Variants in NIFK observed in about 807,000 individuals in gnomAD.
The protein encoded by NIFK is MKI67 FHA domain-interacting nucleolar phosphoprotein.
NIFK carries 16 observed loss-of-function variants against 31.7 expected under a neutral mutation model. That is an observed-to-expected ratio of 0.50 (90% confidence interval 0.34 to 0.77). The LOEUF is 0.77. Among genes scored for constraint, NIFK ranks in the 30% least tolerant of loss-of-function variants. The pLI, the probability that NIFK is intolerant of heterozygous loss-of-function variation, is 0.01. For synonymous variants in NIFK, 126 were observed against 123.0 expected (o/e 1.02, Z -0.16); for missense variants, 341 against 350.4 (o/e 0.97, Z 0.21).
intron 6 of NIFK, 133 bp from the exon 7 acceptor site, chr2:121,728,045 T>C: frequency 1.2e-6 from 1 of 860,800 alleles, no homozygotes; most frequent in South Asian, 2.0e-5. Flanking sequence ...CTTTTGGTGA[T>C]ACTATTGCAA....
intron 1 of NIFK, 171 bp from the exon 2 acceptor site, chr2:121,735,921 T>C: frequency 1.7e-6 from 1 of 584,838 alleles, no homozygotes. Context: ...GGTCAAGCAG[T>C]AGTCAACTAT....
At chr2:121,736,114 T>C (rs1374597197) in intron 1 of NIFK, among the ~76,000 whole-genome samples, 1 of 152,192 alleles carries the variant, frequency 6.6e-6, no homozygotes, top group Non-Finnish European at 1.5e-5. Flanking sequence ...ATCGAAAAAT[T>C]TTCGATACGC....
Position 121,732,076 on chromosome 2 carries a change from G to T in NIFK, c.352+20C>A. The T allele has an allele frequency of 6.8e-7, 1 of 1,461,712 alleles. No homozygotes were observed. The highest frequency in any genetic ancestry group is 1.1e-5 in the South Asian group (1 of 87,572). 90.5% of individuals were successfully genotyped at this position (1,461,712 alleles called of 1,614,324 possible). On this transcript the variant is annotated intron_variant, in intron 3 of 6. Coordinates refer to ENST00000285814, the MANE Select transcript of NIFK (RefSeq NM_032390.5). ...ACAGCAGGCACCCAGGCAACCCTGC[G>T]GTAAGACAGGAGCACTTACACTCCA... is the stretch of plus-strand genomic sequence containing the variant.
chr2:121,728,253 A>G (rs2074507713), intron 6 of NIFK, 35 bp downstream of exon 6: 2 of 1,259,346 alleles, frequency 1.6e-6, no homozygotes, highest in Non-Finnish European at 2.3e-6. Flanking sequence ...TATTTCTATA[A>G]TATCTGGTGT....
chr2:121,733,886 A>C (rs187751159), intron 2 of NIFK, among the ~76,000 whole-genome samples: 1 of 152,250 alleles, frequency 6.6e-6, no homozygotes, highest in East Asian at 1.9e-4. Flanking sequence ...CTTACCTCTT[A>C]TTGTGAGCCA....
intron 4 of NIFK, among the ~76,000 whole-genome samples, chr2:121,730,176 T>G (rs2074527357): frequency 6.6e-6 from 1 of 152,044 alleles, no homozygotes; most frequent in African/African-American, 2.4e-5. Context: ...ATTGTGCCAC[T>G]GCACTCCAGC....
At chr2:121,732,280 T>A (rs1573374843) in intron 2 of NIFK, 76 bp from the exon 3 acceptor site, 1 of 842,140 alleles carries the variant, frequency 1.2e-6, no homozygotes, top group Non-Finnish European at 2.0e-6. Flanking sequence ...AATGCCATTA[T>A]TTTAAATAAT....
In NIFK at chr2:121,732,172, C is replaced by T. The variant is rs368176066; in HGVS notation, c.276G>A (p.Glu92=). The stretch of plus-strand genomic sequence containing the variant: ...TTTTGGCAACATCCTCAGACTCAAA[C>T]TCCACAAATGCATAGCCTTTGCTAT... The part of the protein sequence containing the change: ...TGNSKGYAFV[E]FESEDVAKIV... Residue 92 remains glutamate, a synonymous_variant, in exon 3 of 7, where the codon GAG becomes GAA. Transcript: ENST00000285814. 4.8e-5 allele frequency: 78 copies of T among 1,612,888 alleles called. No individual in the cohort carries two copies. In the African/African-American group the frequency reaches 8.3e-4, roughly 17 times the overall value.
At chr2:121,736,661 C>T (rs2074583508) in intron 1 of NIFK, 85 bp downstream of exon 1, 3 of 1,190,936 alleles carry the variant, frequency 2.5e-6, no homozygotes, top group Non-Finnish European at 3.7e-6. Context: ...AAGGGGCGCC[C>T]GGGCCGGAAA....
At chr2:121,733,309 G>A (rs149392685) in intron 2 of NIFK, among the ~76,000 whole-genome samples, 4 of 152,178 alleles carry the variant, frequency 2.6e-5, no homozygotes, top group African/African-American at 9.6e-5. Flanking sequence ...GAGATTGGGA[G>A]CTCAAAATCA....
chr2:121,734,336 A>C (rs1400895877), intron 2 of NIFK, among the ~76,000 whole-genome samples: 1 of 152,170 alleles, frequency 6.6e-6, no homozygotes, highest in Admixed American at 6.5e-5. Context: ...TAACAAAGGC[A>C]ATAGAGTTAC....
intron 1 of NIFK, among the ~76,000 whole-genome samples, chr2:121,736,172 A>G (rs1302427066): frequency 6.6e-6 from 1 of 152,236 alleles, no homozygotes; most frequent in African/African-American, 2.4e-5. Context: ...CTCAGTCATC[A>G]TAGCCTTACC....
intron 1 of NIFK, among the ~76,000 whole-genome samples, 187 bp downstream of exon 1, chr2:121,736,559 G>A (rs1207812219): frequency 5.3e-5 from 8 of 152,202 alleles, no homozygotes; most frequent in Non-Finnish European, 1.2e-4. Flanking sequence ...TTTCGTCTCG[G>A]AAACCGTGGC....
In NIFK at chr2:121,730,926, A is replaced by G; in HGVS notation, c.531T>C (p.Ala177=). Reference sequence around the variant, plus strand: ...GAAAATCATAGTCAATTCCTTTTTTAGCTAATTTCTTCCTGAGTAATCTTT... The same window carrying G: ...GAAAATCATAGTCAATTCCTTTTTTGGCTAATTTCTTCCTGAGTAATCTTT... ...KKERLLRKKL[A]KKGIDYDFPS... Residue 177 remains alanine (A), a synonymous_variant, in exon 4 of 7, where the codon GCT becomes GCC. Transcript: ENST00000285814. 2 of 1,612,402 alleles carry G rather than the reference A, an allele frequency of 1.2e-6. No individual in the cohort carries two copies. The highest frequency in any genetic ancestry group is 8.5e-7 in the Non-Finnish European group (1 of 1,178,698).
intron 6 of NIFK, 43 bp from the exon 7 acceptor site, chr2:121,727,955 A>G: frequency 2.6e-6 from 4 of 1,515,914 alleles, no homozygotes; most frequent in Non-Finnish European, 3.5e-6. Context: ...AATGTAAAAC[A>G]TGATTATGAC....
chr2:121,732,824 T>C (rs965964306), intron 2 of NIFK, among the ~76,000 whole-genome samples: 2 of 151,874 alleles, frequency 1.3e-5, no homozygotes, highest in African/African-American at 4.8e-5. Flanking sequence ...CTACTAAAAA[T>C]ATAAAATATT....
chr2:121,727,454 C>T lies in NIFK; in HGVS notation c.*270G>A, dbSNP rs1213512875. On this transcript the variant is annotated 3_prime_UTR_variant, in exon 7 of 7. Transcript: ENST00000285814. ...CAACTTTCTATCCAGGCAGAGTAAACTAAGGAGAGCTATGAAATATCAAAA... is the reference window on the plus strand; with the variant it reads ...CAACTTTCTATCCAGGCAGAGTAAATTAAGGAGAGCTATGAAATATCAAAA... The T allele has an allele frequency of 6.7e-6, 4 of 600,320 alleles. No homozygotes were observed. The African/African-American group carries it at 7.3e-5, about 11-fold the overall frequency. The allele number at this position is 600,320 out of a possible 1,614,324, so 37.2% of individuals were successfully genotyped here.
chr2:121,736,354 GCTC>G (rs2074580114), intron 1 of NIFK, among the ~76,000 whole-genome samples: 1 of 152,250 alleles, frequency 6.6e-6, no homozygotes, highest in Non-Finnish European at 1.5e-5. Context: ...TAAGTCTGGG[GCTC>G]CCATTTTTGG....
intron 2 of NIFK, among the ~76,000 whole-genome samples, chr2:121,734,109 G>GT (rs1349687933): frequency 1.3e-5 from 2 of 151,946 alleles, no homozygotes; most frequent in Non-Finnish European, 1.5e-5. Context: ...CCAAAACAGT[G>GT]TTTAGTAGAA....
Sources: gnomAD v4.1 joint callset for allele counts (sites outside exome capture counted in the v4.1 genomes callset) on GRCh38, gnomAD v4.1.1 for gene constraint, MANE v1.5 for transcripts, NCBI Gene and HGNC (gene_info 2026-07-23, HGNC 2026-07-21) for gene names.